The following PAXBP1 variants were observed in gnomAD, a reference collection of about 807,000 sequenced individuals.
PAXBP1 encodes the protein PAX3 and PAX7 binding protein 1, also known as PAX3- and PAX7-binding protein 1.
A neutral mutation model predicts 119.9 loss-of-function variants in PAXBP1; 44 were observed. That is an observed-to-expected ratio of 0.37 (90% CI 0.29 to 0.47). PAXBP1 has a LOEUF of 0.47. PAXBP1 is among the 20% of genes least tolerant of loss of function. The pLI, the probability that PAXBP1 is intolerant of heterozygous loss-of-function variation, is 0.99. For missense variants in PAXBP1, 898 were observed against 1,134.1 expected, an observed-to-expected ratio of 0.79 and a Z score of 2.99; for synonymous variants, 393 against 406.6, an observed-to-expected ratio of 0.97 and a Z score of 0.40.
intron 7 of PAXBP1, chr21:32,756,611 T>G (rs1408023132): frequency 7.5e-6 from 2 of 266,868 alleles, no homozygotes; most frequent in East Asian, 3.1e-4. Context: ...AATCTGATTT[T>G]TTTTTAGCAA....
chr21:32,751,534 C>T (rs2043958710), intron 8 of PAXBP1: 1 of 189,906 alleles, frequency 5.3e-6, no homozygotes, highest in African/African-American at 2.3e-5. Flanking sequence ...ATCATGATGA[C>T]CAAATAAATT....
chr21:32,768,413 T>A (rs1184396535), intron 2 of PAXBP1, among the ~76,000 whole-genome samples: 1 of 152,240 alleles, frequency 6.6e-6, no homozygotes, highest in Non-Finnish European at 1.5e-5. Flanking sequence ...TTTGACTCTT[T>A]CTTTTAAATC....
intron 15 of PAXBP1, 169 bp from the exon 16 acceptor site, chr21:32,738,488 G>T: frequency 1.6e-6 from 1 of 614,404 alleles, no homozygotes; most frequent in Non-Finnish European, 2.7e-6. Flanking sequence ...GGTTACATTT[G>T]AATATTCAAT....
intron 11 of PAXBP1, 65 bp downstream of exon 11, chr21:32,748,434 T>A: frequency 6.7e-7 from 1 of 1,497,658 alleles, no homozygotes; most frequent in East Asian, 2.3e-5. Flanking sequence ...CATCTCTAGC[T>A]TTGAGATTAA....
At chr21:32,762,676 T>C (rs571479647) in intron 3 of PAXBP1, among the ~76,000 whole-genome samples, 17 of 152,046 alleles carry the variant, frequency 1.1e-4, no homozygotes, top group African/African-American at 4.1e-4. Context: ...CCCAGCACTT[T>C]GGGAGGCTGA....
At chr21:32,742,754 A>C (rs2043806638) in intron 15 of PAXBP1, 3 of 267,000 alleles carry the variant, frequency 1.1e-5, no homozygotes, top group African/African-American at 6.8e-5. Flanking sequence ...TTTGAGAGAG[A>C]AACTACATTC....
At chr21:32,761,248 G>A in intron 4 of PAXBP1, 86 bp from the exon 5 acceptor site, 9 of 960,948 alleles carry the variant, frequency 9.4e-6, no homozygotes, top group Non-Finnish European at 1.5e-5. Flanking sequence ...CACAAGAACT[G>A]AGCAAAACTA....
At chr21:32,739,029 C>T (rs1313699445) in intron 15 of PAXBP1, among the ~76,000 whole-genome samples, 1 of 152,212 alleles carries the variant, frequency 6.6e-6, no homozygotes, top group Middle Eastern at 3.2e-3. Context: ...ATCTGACCCA[C>T]CTTAATCTCT....
intron 10 of PAXBP1, among the ~76,000 whole-genome samples, chr21:32,750,005 G>GT (rs1305536664): frequency 1.3e-5 from 2 of 152,058 alleles, no homozygotes; most frequent in South Asian, 2.1e-4. Context: ...CCTAAAAAGG[G>GT]TTTTTCCAGG....
At chr21:32,757,996 G>C (rs2044071032) in intron 7 of PAXBP1, among the ~76,000 whole-genome samples, 1 of 152,172 alleles carries the variant, frequency 6.6e-6, no homozygotes, top group Non-Finnish European at 1.5e-5. Context: ...CCAGAAACCA[G>C]GTGATAAAGA....
chr21:32,738,313 C>A lies in PAXBP1; in HGVS notation c.2341G>T (p.Gly781Cys). Residue 781 changes from glycine to cysteine, a missense_variant, in exon 16 of 18, where the codon GGC becomes TGC. By Grantham distance (159) the Gly-to-Cys change is radical. Coordinates refer to ENST00000331923, the MANE Select transcript of PAXBP1 (RefSeq NM_016631.4). ...RQFWSSVKLL[G>C]NFLQWYGIFS... Reference sequence around the variant, plus strand: ...ATGCCATACCACTGAAGAAAATTGCCTAACAGCTGGAAAGAAGAAAAAAAA... The same window carrying A: ...ATGCCATACCACTGAAGAAAATTGCATAACAGCTGGAAAGAAGAAAAAAAA... 2 of 1,581,354 alleles carry A rather than the reference C, an allele frequency of 1.3e-6. No individual in the cohort carries two copies. The highest frequency in any genetic ancestry group is 1.4e-5 in the African/African-American group (1 of 72,714).
chr21:32,767,380 T>A (rs1042967102), intron 2 of PAXBP1, among the ~76,000 whole-genome samples: 1 of 152,120 alleles, frequency 6.6e-6, no homozygotes, highest in Admixed American at 6.5e-5. Flanking sequence ...AGTTATCTAG[T>A]GAGTGGAGTA....
intron 11 of PAXBP1, 68 bp from the exon 12 acceptor site, chr21:32,745,786 G>A: frequency 6.4e-7 from 1 of 1,573,112 alleles, no homozygotes; most frequent in South Asian, 1.1e-5. Flanking sequence ...GCTATGATAA[G>A]AGAAACAAGA....
intron 1 of PAXBP1, 38 bp downstream of exon 1, chr21:32,771,288 A>G (rs1418359668): frequency 1.0e-5 from 16 of 1,523,966 alleles, no homozygotes; most frequent in Non-Finnish European, 1.4e-5. Context: ...TGCGTCGGGG[A>G]TGCGGCCGTC....
At chr21:32,767,731 C>T (rs2044266344) in intron 2 of PAXBP1, among the ~76,000 whole-genome samples, 1 of 152,178 alleles carries the variant, frequency 6.6e-6, no homozygotes, top group Non-Finnish European at 1.5e-5. Flanking sequence ...TCACCTCCTG[C>T]CATGATTCTG....
At chr21:32,764,663 G>T in intron 2 of PAXBP1, 139 bp from the exon 3 acceptor site, 1 of 597,554 alleles carries the variant, frequency 1.7e-6, no homozygotes, top group Non-Finnish European at 2.8e-6. Context: ...GCTCAATCCA[G>T]TAAAGCTTGA....
At chr21:32,747,803 T>C (rs1569158219) in intron 11 of PAXBP1, among the ~76,000 whole-genome samples, 1 of 151,726 alleles carries the variant, frequency 6.6e-6, no homozygotes, top group Non-Finnish European at 1.5e-5. Flanking sequence ...TTTTTTTTTT[T>C]CTTGTGGCAG....
chr21:32,761,734 G>A (rs1158536379), intron 4 of PAXBP1, among the ~76,000 whole-genome samples: 1 of 151,394 alleles, frequency 6.6e-6, no homozygotes, highest in African/African-American at 2.5e-5. Flanking sequence ...GCCCATGCCT[G>A]TAATCCCAGC....
In PAXBP1 at chr21:32,744,808, T is replaced by C. The variant is rs1013192087; in HGVS notation, c.2174A>G (p.Glu725Gly). 9.5e-6 allele frequency: 15 copies of C among 1,586,948 alleles called. No homozygotes were observed. Among genetic ancestry groups the C allele is most frequent in the Non-Finnish European group, 1.3e-5 (15 of 1,169,330 alleles). ...CTAAATTACCTGTGTATTTTTATTT[T>C]CTGCATTCACTACTGAAGGATATCC... ...INGYPSVVNA[E>G]NKNTQVYLKA... is the part of the protein sequence containing the mutation. Residue 725 changes from glutamate (E) to glycine (G), a missense_variant, in exon 13 of 18, where the codon GAA becomes GGA. Physicochemically the swap from Glu to Gly is moderately conservative, Grantham distance 98. Transcript: ENST00000331923.
Sources: allele counts gnomAD v4.1 joint callset (sites outside exome capture counted in the v4.1 genomes callset), GRCh38; gene constraint gnomAD v4.1.1; transcripts MANE v1.5; gene names NCBI Gene and HGNC (gene_info 2026-07-23, HGNC 2026-07-21).